The following BAIAP2L2 variants were observed in gnomAD, a reference collection of about 807,000 sequenced individuals.
The protein encoded by BAIAP2L2 is BAR/IMD domain containing adaptor protein 2 like 2.
Under a neutral mutation model 60.4 loss-of-function variants are expected in BAIAP2L2, and 65 were observed. The observed-to-expected ratio is 1.08, with a 90% CI of 0.88 to 1.32. BAIAP2L2 has a LOEUF of 1.32. Ranked by LOEUF, BAIAP2L2 falls within the 40% of genes most tolerant of loss-of-function variation. BAIAP2L2 has a pLI of 0.00. For missense variants in BAIAP2L2, 836 were observed against 741.2 expected (o/e 1.13, Z -1.48); for synonymous variants, 344 against 301.7 (o/e 1.14, Z -1.45).
At chr22:38,104,802 T>A (rs2086632541) in intron 4 of BAIAP2L2, among the ~76,000 whole-genome samples, 3 of 149,570 alleles carry the variant, frequency 2.0e-5, no homozygotes. Context: ...AGCCAAAAAT[T>A]TTTTTTTTTT....
upstream of BAIAP2L2, among the ~76,000 whole-genome samples, chr22:38,110,822 A>G (rs2086830684): frequency 6.6e-6 from 1 of 152,112 alleles, no homozygotes; most frequent in African/African-American, 2.4e-5. Context: ...GTGGGCTGAT[A>G]CAAGTGCCCA....
At chr22:38,110,256 C>T (rs1371876247) in intron 1 of BAIAP2L2, among the ~76,000 whole-genome samples, 2 of 151,488 alleles carry the variant, frequency 1.3e-5, no homozygotes, top group African/African-American at 4.9e-5. Flanking sequence ...TGGGCTCCCT[C>T]CTGCCTTGTC....
Position 38,109,225 on chromosome 22 carries a change from G to C in BAIAP2L2, c.52-17C>G. ...CATGATGCTCTGGACCCCAGGGTCA[G>C]GGGAGGAAAAAGGTGTAGAGATGGG... On this transcript the variant is annotated splice_polypyrimidine_tract_variant and intron_variant, in intron 1 of 13. Transcript: ENST00000381669. The C allele has an allele frequency of 6.3e-7, 1 of 1,597,454 alleles. No individual in the cohort carries two copies. The highest frequency in any genetic ancestry group is 8.6e-7 in the Non-Finnish European group (1 of 1,165,576).
intron 10 of BAIAP2L2, among the ~76,000 whole-genome samples, 171 bp from the exon 11 acceptor site, chr22:38,087,435 A>G (rs1365196821): frequency 1.3e-5 from 2 of 152,158 alleles, no homozygotes; most frequent in East Asian, 1.9e-4. Context: ...GCCTACTGAT[A>G]ATAACACACG....
In BAIAP2L2 at chr22:38,089,666, C is replaced by T. The variant is rs747897747; in HGVS notation, c.621G>A (p.Gly207=). The change falls in exon 8 of 14, where the codon GGG becomes GGA. Residue 207 remains glycine (G), a synonymous_variant. Transcript: ENST00000381669. ...ACAGCAGCACGCGGTTCTGGAGCATCCCCCGGGCCTGGCCGGGCGGGGACA... is the reference window on the plus strand; with the variant it reads ...ACAGCAGCACGCGGTTCTGGAGCATTCCCCGGGCCTGGCCGGGCGGGGACA... ...TFLQFFGRAR[G]MLQNRVLLWK... is the part of the protein sequence containing the mutation. The T allele has an allele frequency of 2.6e-5, 32 of 1,230,236 alleles. No homozygotes were observed. In the East Asian group the frequency reaches 7.3e-4, roughly 28 times the overall value. 76.2% of individuals were successfully genotyped at this position (1,230,236 alleles called of 1,614,324 possible). A position where few individuals can be genotyped will look rare whatever the true frequency, so the allele number is the denominator to read the frequency against.
At chr22:38,109,958 A>G (rs1259567768) in intron 1 of BAIAP2L2, among the ~76,000 whole-genome samples, 2 of 149,680 alleles carry the variant, frequency 1.3e-5, no homozygotes, top group Non-Finnish European at 3.0e-5. Flanking sequence ...GAGGCGCTCA[A>G]TAAATGTCTG....
chr22:38,100,247 C>A (rs9798787), intron 4 of BAIAP2L2, among the ~76,000 whole-genome samples: 11,903 of 152,148 alleles, frequency 0.078, 572 homozygotes, highest in East Asian at 0.14. Flanking sequence ...CACAGCACTG[C>A]CTCCTTAAAT....
Position 38,105,831 on chromosome 22 carries a change from G to T in BAIAP2L2, c.276+2021C>A, listed in dbSNP as rs116460262. On this transcript the variant is annotated intron_variant, in intron 4 of 13. Transcript: ENST00000381669. Reference sequence around the variant, plus strand: ...GGGTTTTTGTCTGCTGTATTCCCGCGGCCTACCACAGTGCCTGGCACAGGG... The same window carrying T: ...GGGTTTTTGTCTGCTGTATTCCCGCTGCCTACCACAGTGCCTGGCACAGGG... 4.9e-3 allele frequency among the ~76,000 whole-genome samples: 744 copies of T among 152,172 alleles called. 8 individuals are homozygous for T. The highest frequency in any genetic ancestry group is 0.017 in the African/African-American group (702 of 41,506).
At chr22:38,090,494 T>C (rs1030568597) in intron 7 of BAIAP2L2, 3 of 142,906 alleles carry the variant, frequency 2.1e-5, no homozygotes, top group Non-Finnish European at 4.7e-5. Flanking sequence ...AATGCTGCAT[T>C]CTCCAGCCAT....
Position 38,085,339 on chromosome 22 carries a change from G to A in BAIAP2L2, c.1551C>T (p.Pro517=), listed in dbSNP as rs1351755634. 1.1e-5 allele frequency: 17 copies of A among 1,614,054 alleles called. No individual in the cohort carries two copies. The highest frequency in any genetic ancestry group is 1.4e-5 in the Non-Finnish European group (17 of 1,179,968). ...GTGCTGAGCGGTCATTGGTGATGGT[G>A]GGACGAAGCTTGACAGTGGCAAAAG... ...TNPFATVKLR[P]TITNDRSAPL... The change falls in exon 14 of 14, where the codon CCC becomes CCT. Residue 517 remains proline (P), a synonymous_variant. Transcript: ENST00000381669.
rs370989222 is a variant in BAIAP2L2 at position 38,097,191 on chromosome 22, G to A, written c.466-13C>T. On this transcript the variant is annotated splice_polypyrimidine_tract_variant and intron_variant, in intron 6 of 13. Transcript: ENST00000381669. ...GGTTCACACTCTCCTGGGGGGGAACGGGAGTTCTGGCTGGGGGCGGTGGGT... is the reference window on the plus strand; with the variant it reads ...GGTTCACACTCTCCTGGGGGGGAACAGGAGTTCTGGCTGGGGGCGGTGGGT... 1.2e-6 allele frequency: 2 copies of A among 1,609,392 alleles called. No individual in the cohort carries two copies. Among genetic ancestry groups the A allele is most frequent in the African/African-American group, 1.3e-5 (1 of 74,874 alleles).
chr22:38,094,051 C>T, intron 7 of BAIAP2L2: 1 of 454,818 alleles, frequency 2.2e-6, no homozygotes, highest in South Asian at 1.6e-5. Context: ...AAGCCAGTCG[C>T]AAAAGAGCAC....
At chr22:38,089,477 G>C in intron 8 of BAIAP2L2, 45 bp downstream of exon 8, 1 of 1,116,060 alleles carries the variant, frequency 9.0e-7, no homozygotes. Flanking sequence ...CCCCCGCGGG[G>C]GGCGGCGGGG....
At chr22:38,093,038 T>C (rs1331337750) in intron 7 of BAIAP2L2, among the ~76,000 whole-genome samples, 1 of 152,078 alleles carries the variant, frequency 6.6e-6, no homozygotes, top group Non-Finnish European at 1.5e-5. Flanking sequence ...TGGTGGTGCA[T>C]GCCTGTAATC....
intron 6 of BAIAP2L2, 40 bp downstream of exon 6, chr22:38,098,023 C>CCCTG: frequency 7.0e-6 from 6 of 860,274 alleles, no homozygotes; most frequent in Non-Finnish European, 7.8e-6. Flanking sequence ...GTCTGCCCAC[C>CCCTG]CGCCCTTCCT....
chr22:38,107,356 G>A (rs1390934414), intron 4 of BAIAP2L2, among the ~76,000 whole-genome samples: 2 of 152,174 alleles, frequency 1.3e-5, no homozygotes, highest in African/African-American at 4.8e-5. Flanking sequence ...CCAGCAGAGG[G>A]CCCACTCTTC....
intron 2 of BAIAP2L2, among the ~76,000 whole-genome samples, chr22:38,108,715 C>T (rs568857426): frequency 3.3e-5 from 5 of 151,808 alleles, no homozygotes; most frequent in Non-Finnish European, 7.4e-5. Flanking sequence ...TGGGTGGTGG[C>T]CAGTTGAAGT....
In BAIAP2L2 at chr22:38,088,781, C is replaced by A. The variant is rs772656015; in HGVS notation, c.1085G>T (p.Gly362Val). The A allele has an allele frequency of 6.2e-7, 1 of 1,601,074 alleles. No individual in the cohort carries two copies. Among genetic ancestry groups the A allele is most frequent in the Non-Finnish European group, 8.5e-7 (1 of 1,179,524 alleles). ...GCCCTCCAGCTTGCCGTAGAGCCAG[C>A]CGTTCTGGGCCTCGGGCACCAACAC... ...VEVLVPEAQN[G>V]WLYGKLEGSS... Residue 362 changes from glycine to valine, a missense_variant, in exon 10 of 14, where the codon GGC becomes GTC. Coordinates refer to ENST00000381669, the MANE Select transcript of BAIAP2L2 (RefSeq NM_025045.6).
rs1160545516 is a variant in BAIAP2L2 at position 38,108,458 on chromosome 22, T to C, written c.128-117A>G. On this transcript the variant is annotated intron_variant, in intron 2 of 13. Coordinates refer to ENST00000381669, the MANE Select transcript of BAIAP2L2 (RefSeq NM_025045.6). ...TGGGTGGGGTGTGGGCATCTGTGTG[T>C]GCCCCTGAGGAGGGTGTGACCAGTT... 5 of 765,792 alleles carry C rather than the reference T, an allele frequency of 6.5e-6. No individual in the cohort carries two copies. The Admixed American group carries it at 1.3e-4, about 20-fold the overall frequency. The allele number at this position is 765,792 out of a possible 1,614,324, so 47.4% of individuals were successfully genotyped here.
Sources: allele counts gnomAD v4.1 joint callset (sites outside exome capture counted in the v4.1 genomes callset), GRCh38; gene constraint gnomAD v4.1.1; transcripts MANE v1.5; gene names NCBI Gene and HGNC (gene_info 2026-07-23, HGNC 2026-07-21).